Variants in SH3RF3 observed in about 807,000 individuals in gnomAD.
SH3RF3 encodes the protein SH3 domain containing ring finger 3.
SH3RF3 carries 29 observed loss-of-function variants against 66.3 expected under a neutral mutation model. The ratio of observed to expected loss-of-function variants is 0.44; its 90% confidence interval spans 0.33 to 0.60. The LOEUF (loss-of-function observed/expected upper bound fraction) is 0.60. Ranked by LOEUF, SH3RF3 falls within the 20% of genes least tolerant of loss-of-function variation. The pLI is 0.04. For missense variants in SH3RF3, 1,194 were observed against 1,190.9 expected, an observed-to-expected ratio of 1.00 and a Z score of -0.04; for synonymous variants, 583 against 532.0, an observed-to-expected ratio of 1.10 and a Z score of -1.32.
chr2:109,453,923 C>T (rs1184126189), intron 8 of SH3RF3, among the ~76,000 whole-genome samples: 2 of 152,176 alleles, frequency 1.3e-5, no homozygotes, highest in Non-Finnish European at 2.9e-5. Flanking sequence ...AGATGAGGGC[C>T]AGGGACGGGA....
intron 1 of SH3RF3, among the ~76,000 whole-genome samples, chr2:109,281,457 G>A (rs1251358069): frequency 1.3e-5 from 2 of 152,196 alleles, no homozygotes; most frequent in Non-Finnish European, 2.9e-5. Context: ...CACACGCACA[G>A]CACGTGTACT....
At chr2:109,270,904 C>T (rs1472562753) in intron 1 of SH3RF3, among the ~76,000 whole-genome samples, 1 of 152,242 alleles carries the variant, frequency 6.6e-6, no homozygotes, top group African/African-American at 2.4e-5. Flanking sequence ...CTGCCTCACA[C>T]AGCATCAGGA....
chr2:109,215,583 G>T (rs537480229), intron 1 of SH3RF3, among the ~76,000 whole-genome samples: 1 of 152,228 alleles, frequency 6.6e-6, no homozygotes, highest in East Asian at 1.9e-4. Flanking sequence ...TTTTTTGCCT[G>T]TGATGAGTGC....
chr2:109,343,037 T>C (rs1020709290), intron 1 of SH3RF3, among the ~76,000 whole-genome samples: 8 of 152,264 alleles, frequency 5.3e-5, no homozygotes, highest in African/African-American at 1.9e-4. Context: ...CACGCCGCAG[T>C]GTGAGAAGTT....
chr2:109,265,673 T>C (rs1680472964), intron 1 of SH3RF3, among the ~76,000 whole-genome samples: 1 of 152,208 alleles, frequency 6.6e-6, no homozygotes, highest in Non-Finnish European at 1.5e-5. Flanking sequence ...TGATTTGGGT[T>C]GAATTTATAG....
At chr2:109,198,010 T>C (rs1678548380) in intron 1 of SH3RF3, among the ~76,000 whole-genome samples, 1 of 152,138 alleles carries the variant, frequency 6.6e-6, no homozygotes, top group African/African-American at 2.4e-5. Context: ...GACCTGTAGT[T>C]AAGTAAGCGG....
At chr2:109,360,210 C>T (rs1322339812) in intron 2 of SH3RF3, among the ~76,000 whole-genome samples, 2 of 152,136 alleles carry the variant, frequency 1.3e-5, no homozygotes, top group African/African-American at 4.8e-5. Flanking sequence ...CGCTTAGTTA[C>T]TCTGAACATG....
intron 3 of SH3RF3, among the ~76,000 whole-genome samples, chr2:109,383,991 G>T (rs911491938): frequency 4.6e-5 from 7 of 152,138 alleles, no homozygotes; most frequent in African/African-American, 9.7e-5. Flanking sequence ...TTCAGGGCTG[G>T]CCCCTCACAA....
intron 1 of SH3RF3, among the ~76,000 whole-genome samples, chr2:109,180,539 G>A (rs1462586414): frequency 6.6e-6 from 1 of 152,166 alleles, no homozygotes; most frequent in Non-Finnish European, 1.5e-5. Context: ...TGTTGTGGGA[G>A]GGACCCAGTG....
intron 9 of SH3RF3, among the ~76,000 whole-genome samples, chr2:109,500,941 C>A (rs1679369685): frequency 6.6e-6 from 1 of 152,138 alleles, no homozygotes; most frequent in South Asian, 2.1e-4. Flanking sequence ...AAGAGCAAGA[C>A]CCTGTCTCAA....
intron 5 of SH3RF3, among the ~76,000 whole-genome samples, chr2:109,421,211 G>C (rs544303577): frequency 1.3e-5 from 2 of 152,332 alleles, no homozygotes; most frequent in East Asian, 3.9e-4. Flanking sequence ...AGCCCTGATG[G>C]AGTTTCCCAA....
At chr2:109,271,889 T>C (rs571602052) in intron 1 of SH3RF3, among the ~76,000 whole-genome samples, 1 of 152,328 alleles carries the variant, frequency 6.6e-6, no homozygotes, top group South Asian at 2.1e-4. Flanking sequence ...CAAGGCAGAA[T>C]TGAGATTCTA....
At chr2:109,253,427 C>T (rs796471113) in intron 1 of SH3RF3, among the ~76,000 whole-genome samples, 24 of 152,278 alleles carry the variant, frequency 1.6e-4, no homozygotes, top group African/African-American at 3.4e-4. Context: ...GGTTTCAGGA[C>T]GTGGGCGCTG....
intron 1 of SH3RF3, among the ~76,000 whole-genome samples, chr2:109,325,196 T>A (rs1426149175): frequency 6.6e-6 from 1 of 152,096 alleles, no homozygotes; most frequent in Non-Finnish European, 1.5e-5. Flanking sequence ...AAGATCAGTG[T>A]CTCACTTCAT....
chr2:109,397,477 A>G (rs1037477417), intron 3 of SH3RF3, among the ~76,000 whole-genome samples: 22 of 152,112 alleles, frequency 1.4e-4, no homozygotes, highest in African/African-American at 4.6e-4. Context: ...TATTCTTTCA[A>G]ATCACTGTGA....
chr2:109,261,557 A>C (rs984924288), intron 1 of SH3RF3, among the ~76,000 whole-genome samples: 2 of 152,134 alleles, frequency 1.3e-5, no homozygotes, highest in Non-Finnish European at 2.9e-5. Flanking sequence ...GACAAACACA[A>C]ACAAGTGCAT....
At chr2:109,305,839 A>G (rs1681580719) in intron 1 of SH3RF3, among the ~76,000 whole-genome samples, 1 of 152,200 alleles carries the variant, frequency 6.6e-6, no homozygotes, top group African/African-American at 2.4e-5. Flanking sequence ...ACTGAGAAAG[A>G]GCAGGTGACA....
chr2:109,251,173 T>C (rs1680082945), intron 1 of SH3RF3, among the ~76,000 whole-genome samples: 1 of 152,006 alleles, frequency 6.6e-6, no homozygotes, highest in Non-Finnish European at 1.5e-5. Context: ...TGGCTAATTT[T>C]TTTATTTTTA....
chr2:109,443,091 T>C (rs770126730), intron 7 of SH3RF3, among the ~76,000 whole-genome samples: 16 of 152,282 alleles, frequency 1.1e-4, no homozygotes, highest in Non-Finnish European at 1.9e-4. Context: ...ACTGAATTTG[T>C]GAATACTGAA....
Sources: allele counts gnomAD v4.1 joint callset (sites outside exome capture counted in the v4.1 genomes callset), GRCh38; gene constraint gnomAD v4.1.1; transcripts MANE v1.5; gene names NCBI Gene and HGNC (gene_info 2026-07-23, HGNC 2026-07-21).